GALNT11: variants seen among roughly 807,000 people sequenced by gnomAD.
The protein encoded by GALNT11 is polypeptide N-acetylgalactosaminyltransferase 11.
GALNT11 carries 47 observed loss-of-function variants against 72.7 expected under a neutral mutation model. The ratio of observed to expected loss-of-function variants is 0.65; its 90% CI spans 0.51 to 0.82. The LOEUF is 0.82. Ranked by LOEUF, GALNT11 falls within the 40% of genes least tolerant of loss-of-function variation. The pLI is 0.00. For missense variants in GALNT11, 677 were observed against 778.4 expected, an observed-to-expected ratio of 0.87 and a Z score of 1.55; for synonymous variants, 270 against 286.6, an observed-to-expected ratio of 0.94 and a Z score of 0.58.
At chr7:152,043,104 C>G (rs540859525) in intron 1 of GALNT11, among the ~76,000 whole-genome samples, 1 of 152,280 alleles carries the variant, frequency 6.6e-6, no homozygotes, top group African/African-American at 2.4e-5. Context: ...TCCCCATTTC[C>G]ACATACGGCA....
In GALNT11 at chr7:152,120,908, A is replaced by T; in HGVS notation, c.1635A>T (p.Ser545=). The T allele has an allele frequency of 6.2e-7, 1 of 1,613,490 alleles. No individual in the cohort carries two copies. The highest frequency in any genetic ancestry group is 8.5e-7 in the Non-Finnish European group (1 of 1,179,562). The change falls in exon 11 of 12, where the codon TCA becomes TCT. Residue 545 remains serine (S), a synonymous_variant. Coordinates refer to ENST00000430044, the MANE Select transcript of GALNT11 (RefSeq NM_022087.4). ...LCLDMSETRS[S]DPPRLMKCHG... ...TAGATATGTCAGAGACTCGCTCATC[A>T]GACCCGCCACGGCTCATGAAATGCC...
chr7:152,059,870 A>G (rs1304920620), intron 1 of GALNT11, among the ~76,000 whole-genome samples: 1 of 152,248 alleles, frequency 6.6e-6, no homozygotes, highest in Non-Finnish European at 1.5e-5. Context: ...GCTTCAACTT[A>G]AAGTCACCAG....
rs149793282 is a variant in GALNT11 at position 152,107,853 on chromosome 7, A to G, written c.713-185A>G. 1.3e-3 allele frequency: 820 copies of G among 608,720 alleles called. 3 individuals are homozygous for G. The East Asian group carries it at 0.019, about 14-fold the overall frequency. 37.7% of individuals were successfully genotyped at this position (608,720 alleles called of 1,614,324 possible). A position where few individuals can be genotyped will look rare whatever the true frequency, so the allele number is the denominator to read the frequency against. On this transcript the variant is annotated intron_variant, in intron 5 of 11. Coordinates refer to ENST00000430044, the MANE Select transcript of GALNT11 (RefSeq NM_022087.4). ...ACAGCAGGACACTGCACGCAGCATT[A>G]CTGGCTGAGGGACGTCCTTGTTGAC...
At chr7:152,116,141 A>G (rs2088824726) in intron 8 of GALNT11, among the ~76,000 whole-genome samples, 1 of 152,238 alleles carries the variant, frequency 6.6e-6, no homozygotes, top group Non-Finnish European at 1.5e-5. Context: ...TTGGTAGAAC[A>G]GTACAATCCA....
chr7:152,082,023 T>A (rs2085353824), intron 1 of GALNT11, among the ~76,000 whole-genome samples: 2 of 152,252 alleles, frequency 1.3e-5, no homozygotes, highest in Admixed American at 1.3e-4. Context: ...TTTAGCCTTT[T>A]ACTATTATAA....
chr7:152,094,634 T>G lies in GALNT11; in HGVS notation c.295+112T>G. On this transcript the variant is annotated intron_variant, in intron 2 of 11. Coordinates refer to ENST00000430044, the MANE Select transcript of GALNT11 (RefSeq NM_022087.4). This position sits in a 1 kb window ranked among gnomAD's most constrained non-coding sequence, Gnocchi z 4.3. ...GCTGCATCATTTTTTCCCCACTGAT[T>G]TATTTTGTTTGTGAACTACCTGAAG... 1 of 1,251,848 alleles carries G rather than the reference T, an allele frequency of 8.0e-7. No homozygotes were observed. Among genetic ancestry groups the G allele is most frequent in the Non-Finnish European group, 1.1e-6 (1 of 923,446 alleles). The allele number at this position is 1,251,848 out of a possible 1,614,324, so 77.5% of individuals were successfully genotyped here. A position where few individuals can be genotyped will look rare whatever the true frequency, so the allele number is the denominator to read the frequency against.
intron 10 of GALNT11, chr7:152,119,003 C>G (rs1287138377): frequency 1.1e-5 from 4 of 368,866 alleles, no homozygotes; most frequent in Non-Finnish European, 1.9e-5. Context: ...CCGAAAAAAA[C>G]TGCAACCTCC....
At chr7:152,050,556 C>G (rs552647850) in intron 1 of GALNT11, among the ~76,000 whole-genome samples, 1 of 152,256 alleles carries the variant, frequency 6.6e-6, no homozygotes, top group Non-Finnish European at 1.5e-5. Context: ...GAAAGAGTCT[C>G]CCCTGGAGCT....
intron 2 of GALNT11, among the ~76,000 whole-genome samples, chr7:152,095,896 T>A (rs1286781544): frequency 6.6e-6 from 1 of 152,124 alleles, no homozygotes; most frequent in African/African-American, 2.4e-5. Flanking sequence ...ACAAAAAACC[T>A]ATTAGAGGTA....
chr7:152,058,203 A>T (rs900898232), intron 1 of GALNT11, among the ~76,000 whole-genome samples: 4 of 152,148 alleles, frequency 2.6e-5, no homozygotes, highest in Admixed American at 1.3e-4. Flanking sequence ...AAAATGCTTT[A>T]TTGTTCAAAA....
chr7:152,050,717 G>T (rs2083351218), intron 1 of GALNT11, among the ~76,000 whole-genome samples: 1 of 152,152 alleles, frequency 6.6e-6, no homozygotes, highest in Non-Finnish European at 1.5e-5. Context: ...CAGTCTTTGT[G>T]GTCTGGGCTG....
chr7:152,060,635 C>T (rs2083951032), intron 1 of GALNT11, among the ~76,000 whole-genome samples: 1 of 151,936 alleles, frequency 6.6e-6, no homozygotes, highest in Non-Finnish European at 1.5e-5. Flanking sequence ...CCCTCCACCC[C>T]ACGACAGACC....
intron 1 of GALNT11, among the ~76,000 whole-genome samples, chr7:152,046,057 T>G (rs1341906258): frequency 1.3e-5 from 2 of 152,200 alleles, no homozygotes; most frequent in East Asian, 3.8e-4. Flanking sequence ...CACTGGTCAT[T>G]CAGGTGCATA....
At chr7:152,090,643 C>G (rs868723010) in intron 1 of GALNT11, among the ~76,000 whole-genome samples, 30 of 130,756 alleles carry the variant, frequency 2.3e-4, no homozygotes, top group Middle Eastern at 3.6e-3. Context: ...CTCTTATTCC[C>G]CCACCCCCCC....
At chr7:152,034,573 A>C (rs570687476) in intron 1 of GALNT11, among the ~76,000 whole-genome samples, 8 of 152,188 alleles carry the variant, frequency 5.3e-5, no homozygotes, top group African/African-American at 1.9e-4. Context: ...TTCCCATCTG[A>C]AAGACAAAAC....
intron 1 of GALNT11, among the ~76,000 whole-genome samples, chr7:152,071,794 A>G (rs1038553820): frequency 5.3e-5 from 8 of 152,182 alleles, no homozygotes; most frequent in African/African-American, 1.9e-4. Flanking sequence ...TTCTTCTGCC[A>G]TGGCTTCAGC....
At chr7:152,065,385 A>T (rs987076953) in intron 1 of GALNT11, among the ~76,000 whole-genome samples, 1 of 152,192 alleles carries the variant, frequency 6.6e-6, no homozygotes, top group South Asian at 2.1e-4. Context: ...TTTGCGATGC[A>T]TTCGAACTTC....
At position 152,094,514 on chromosome 7, in the gene GALNT11, C is replaced by G; in HGVS notation, c.287C>G (p.Ser96Cys). ...GAAGAAGGCCACTTGAAATTCTCTT[C>G]TGAATTAGGTAAGTATATGATGTTT... ...DPEEGHLKFS[S>C]ELGMIFNERD... is the part of the protein sequence containing the mutation. The change falls in exon 2 of 12, where the codon TCT becomes TGT. Residue 96 changes from serine (S) to cysteine (C), a missense_variant. Transcript: ENST00000430044. This position sits in a 1 kb window ranked among gnomAD's most constrained non-coding sequence, Gnocchi z 4.3. 1 of 1,608,874 alleles carries G rather than the reference C, an allele frequency of 6.2e-7. No individual in the cohort carries two copies. Among genetic ancestry groups the G allele is most frequent in the Non-Finnish European group, 8.5e-7 (1 of 1,177,004 alleles).
At chr7:152,071,418 C>G (rs2084640772) in intron 1 of GALNT11, among the ~76,000 whole-genome samples, 1 of 152,204 alleles carries the variant, frequency 6.6e-6, no homozygotes, top group South Asian at 2.1e-4. Flanking sequence ...TTCTGTTCCA[C>G]CCGGCTCACC....
Sources: gnomAD v4.1 joint callset for allele counts (sites outside exome capture counted in the v4.1 genomes callset) on GRCh38, gnomAD v4.1.1 for gene constraint, Gnocchi (gnomAD v3.1) non-coding constraint, MANE v1.5 for transcripts, NCBI Gene and HGNC (gene_info 2026-07-23, HGNC 2026-07-21) for gene names.